CTNNA2: variants seen among roughly 807,000 people sequenced by gnomAD.
CTNNA2 encodes the protein catenin alpha-2.
CTNNA2 carries 42 observed loss-of-function variants against 101.0 expected under a neutral mutation model. That is an observed-to-expected ratio of 0.42 (90% CI 0.32 to 0.54). The LOEUF (loss-of-function observed/expected upper bound fraction) is 0.54, where lower values mean the gene tolerates loss of function less well. Among genes scored for constraint, CTNNA2 ranks in the 20% least tolerant of loss-of-function variants. The pLI, the probability that CTNNA2 is intolerant of heterozygous loss-of-function variation, is 0.14. For missense variants in CTNNA2, 871 were observed against 1,223.1 expected, an observed-to-expected ratio of 0.71 and a Z score of 4.29; for synonymous variants, 450 against 456.4, an observed-to-expected ratio of 0.99 and a Z score of 0.18.
chr2:80,376,652 T>C (rs1394200505), intron 7 of CTNNA2, among the ~76,000 whole-genome samples: 1 of 151,692 alleles, frequency 6.6e-6, no homozygotes, highest in Non-Finnish European at 1.5e-5. Flanking sequence ...AAGAATGTTT[T>C]TCTTGCTGTT....
At chr2:79,666,447 G>A (rs561761360) in intron 2 of CTNNA2, among the ~76,000 whole-genome samples, 94 of 152,202 alleles carry the variant, frequency 6.2e-4, no homozygotes, top group Non-Finnish European at 1.0e-3. Context: ...ACTCTTTTTA[G>A]TATTTTCATG....
chr2:79,353,971 T>C (rs1244786059), intron 3 of CTNNA2, among the ~76,000 whole-genome samples: 1 of 149,324 alleles, frequency 6.7e-6, no homozygotes, highest in African/African-American at 2.5e-5. Context: ...TTGGAATTTC[T>C]TTTTTTTTAA....
chr2:79,698,862 T>G (rs1310206342), intron 2 of CTNNA2, among the ~76,000 whole-genome samples: 1 of 152,074 alleles, frequency 6.6e-6, no homozygotes, highest in East Asian at 1.9e-4. Flanking sequence ...TAACAAGACT[T>G]TTCTGAGAAT....
chr2:79,217,742 C>A (rs1674285149), intron 2 of CTNNA2, among the ~76,000 whole-genome samples: 2 of 152,168 alleles, frequency 1.3e-5, no homozygotes, highest in South Asian at 4.1e-4. Flanking sequence ...AAATCAAAGC[C>A]TATGACACCT....
Position 79,699,832 on chromosome 2 carries a change from C to CACGT in CTNNA2, c.103-44555_103-44554insACGT, listed in dbSNP as rs1553453392. On this transcript the variant is annotated intron_variant, in intron 2 of 18. Coordinates refer to ENST00000402739, the MANE Select transcript of CTNNA2 (RefSeq NM_001282597.3). Reference sequence around the variant, plus strand: ...ACACACACACACACACACACACACACGTGTGTGTATATATATATGTATTTA... The same window carrying CACGT: ...ACACACACACACACACACACACACACACGTGTGTGTGTATATATATATGTATTTA... Among the ~76,000 whole-genome samples the CACGT allele has an allele frequency of 4.0e-3, 545 of 137,424 alleles. 3 individuals carry two copies. Among genetic ancestry groups the CACGT allele is most frequent in the East Asian group, 0.012 (54 of 4,660 alleles). 90.2% of individuals were successfully genotyped at this position (137,424 alleles called of 152,430 possible).
chr2:80,050,260 A>G (rs2063776608), intron 7 of CTNNA2, among the ~76,000 whole-genome samples: 2 of 152,156 alleles, frequency 1.3e-5, no homozygotes, highest in Admixed American at 6.6e-5. Flanking sequence ...GCCACAACAT[A>G]TTCATTACAG....
At chr2:80,589,512 G>T in intron 15 of CTNNA2, 27 bp downstream of exon 15, 1 of 1,603,836 alleles carries the variant, frequency 6.2e-7, no homozygotes, top group South Asian at 1.1e-5. Context: ...GGGAGCTGAA[G>T]ATTTTTTCAT....
chr2:79,622,485 A>G (rs1431286781), intron 1 of CTNNA2, among the ~76,000 whole-genome samples: 1 of 152,234 alleles, frequency 6.6e-6, no homozygotes, highest in Non-Finnish European at 1.5e-5. Flanking sequence ...GTTGTTTGAT[A>G]AATGATGTTT....
Position 79,695,049 on chromosome 2 carries a change from T to G in CTNNA2, c.102+43391T>G, listed in dbSNP as rs117178979. ...ATTTTTTTTTTTTTGGGGTATTATG[T>G]GAAAAGAAATCTTCTCTTTCACATT... On this transcript the variant is annotated intron_variant, in intron 2 of 18. Transcript: ENST00000402739. 7.1e-3 allele frequency among the ~76,000 whole-genome samples: 1,073 copies of G among 151,326 alleles called. 38 individuals are homozygous for G. The East Asian group carries it at 0.098, about 14-fold the overall frequency.
At chr2:79,501,051 C>A (rs982802190) in intron 4 of CTNNA2, among the ~76,000 whole-genome samples, 1 of 152,140 alleles carries the variant, frequency 6.6e-6, no homozygotes, top group African/African-American at 2.4e-5. Flanking sequence ...CTGAATTAGA[C>A]CTCTAAATTA....
intron 7 of CTNNA2, among the ~76,000 whole-genome samples, chr2:79,935,761 G>T (rs1474756305): frequency 6.6e-6 from 1 of 152,156 alleles, no homozygotes; most frequent in Non-Finnish European, 1.5e-5. Context: ...GATTATTTTC[G>T]AAAGAATGTT....
chr2:79,273,535 G>T (rs1558595422), intron 2 of CTNNA2, among the ~76,000 whole-genome samples: 1 of 151,954 alleles, frequency 6.6e-6, no homozygotes, highest in African/African-American at 2.4e-5. Context: ...CTTGATTGCT[G>T]AAAATGTCCA....
intron 7 of CTNNA2, among the ~76,000 whole-genome samples, chr2:80,025,834 TCTC>T (rs1272266344): frequency 6.6e-6 from 1 of 152,156 alleles, no homozygotes; most frequent in African/African-American, 2.4e-5. Flanking sequence ...TATTGCACCA[TCTC>T]CTCCTATATG....
chr2:80,238,951 A>G (rs1399315679), intron 7 of CTNNA2, among the ~76,000 whole-genome samples: 3 of 152,228 alleles, frequency 2.0e-5, no homozygotes, highest in African/African-American at 7.2e-5. Context: ...TATTCACAAT[A>G]GAAGCTAATT....
intron 3 of CTNNA2, among the ~76,000 whole-genome samples, chr2:79,778,608 CACAT>C (rs1289636190): frequency 6.6e-6 from 1 of 152,020 alleles, no homozygotes; most frequent in Non-Finnish European, 1.5e-5. Context: ...CATATATACA[CACAT>C]ATATACACAC....
rs545235017 is a variant in CTNNA2, at chr2:79,813,384, G to A, written c.299-44629G>A. ...AAGTAACAGGCCTAGGTCAGTGACA[G>A]CAAAGATGGAAGACAGGTAGATTCA... On this transcript the variant is annotated intron_variant, in intron 3 of 18. Coordinates refer to ENST00000402739, the MANE Select transcript of CTNNA2 (RefSeq NM_001282597.3). 2.0e-5 allele frequency among the ~76,000 whole-genome samples: 3 copies of A among 152,296 alleles called. No individual in the cohort carries two copies. In the South Asian group the frequency reaches 6.2e-4, roughly 32 times the overall value.
chr2:79,403,409 A>G (rs1045391250), intron 4 of CTNNA2, among the ~76,000 whole-genome samples: 1 of 152,060 alleles, frequency 6.6e-6, no homozygotes, highest in South Asian at 2.1e-4. Flanking sequence ...TAAATCAATT[A>G]CATAGAATTA....
chr2:80,116,765 G>A (rs1386506161), intron 7 of CTNNA2, among the ~76,000 whole-genome samples: 1 of 152,124 alleles, frequency 6.6e-6, no homozygotes. Flanking sequence ...TGAGGAGAGG[G>A]TGAGTTTGAT....
intron 3 of CTNNA2, among the ~76,000 whole-genome samples, chr2:79,339,330 G>A (rs540786936): frequency 1.3e-5 from 2 of 152,146 alleles, no homozygotes; most frequent in South Asian, 4.2e-4. Flanking sequence ...AGAGACATGA[G>A]GACTAAAAGA....
Sources: allele counts gnomAD v4.1 joint callset (sites outside exome capture counted in the v4.1 genomes callset), GRCh38; gene constraint gnomAD v4.1.1; transcripts MANE v1.5; gene names NCBI Gene and HGNC (gene_info 2026-07-23, HGNC 2026-07-21).